Variants in CSMD1 observed in about 807,000 individuals in gnomAD.
CSMD1 encodes the protein CUB and sushi domain-containing protein 1.
Under a neutral mutation model 417.5 loss-of-function variants are expected in CSMD1, and 213 were observed. That is an observed-to-expected ratio of 0.51 (90% CI 0.46 to 0.57). The LOEUF is 0.57. Among genes scored for constraint, CSMD1 ranks in the 20% least tolerant of loss-of-function variants. The pLI, the probability that CSMD1 is intolerant of heterozygous loss-of-function variation, is 0.00. For synonymous variants in CSMD1, 2,862 were observed against 1,736.8 expected (o/e 1.65, Z -16.11); for missense variants, 6,923 against 4,529.7 (o/e 1.53, Z -15.17).
intron 20 of CSMD1, among the ~76,000 whole-genome samples, chr8:3,363,691 T>G (rs916146407): frequency 9.9e-5 from 15 of 152,120 alleles, no homozygotes; most frequent in African/African-American, 3.6e-4. Flanking sequence ...CCAAGGCTTT[T>G]GAATGAAGAG....
intron 17 of CSMD1, among the ~76,000 whole-genome samples, chr8:3,393,965 G>C (rs1313508667): frequency 2.4e-5 from 3 of 123,206 alleles, no homozygotes; most frequent in Non-Finnish European, 4.9e-5. Flanking sequence ...TTGTGCACAT[G>C]TACCCTAGAA....
chr8:3,328,518 A>G (rs1412405183), intron 23 of CSMD1, among the ~76,000 whole-genome samples: 1 of 152,216 alleles, frequency 6.6e-6, no homozygotes, highest in Non-Finnish European at 1.5e-5. Flanking sequence ...AGACTGTCAT[A>G]TGATCTTCGG....
intron 3 of CSMD1, among the ~76,000 whole-genome samples, chr8:4,127,347 C>CT (rs764341152): frequency 7.3e-5 from 11 of 151,438 alleles, no homozygotes; most frequent in Non-Finnish European, 4.4e-5. Flanking sequence ...AAGCCTCTCC[C>CT]TTCCTTCTTT....
At chr8:4,037,814 T>C (rs937317361) in intron 3 of CSMD1, among the ~76,000 whole-genome samples, 142 of 152,186 alleles carry the variant, frequency 9.3e-4, no homozygotes, top group Admixed American at 7.8e-4. Flanking sequence ...TTGAATCTTT[T>C]TATGTTTGTA....
At chr8:4,084,443 CATG>C (rs1800313006) in intron 3 of CSMD1, among the ~76,000 whole-genome samples, 1 of 152,102 alleles carries the variant, frequency 6.6e-6, no homozygotes, top group Non-Finnish European at 1.5e-5. Flanking sequence ...CCACCCTTTA[CATG>C]ATTTTGTTGT....
At chr8:4,151,577 G>A (rs1796572540) in intron 3 of CSMD1, among the ~76,000 whole-genome samples, 2 of 152,100 alleles carry the variant, frequency 1.3e-5, no homozygotes, top group African/African-American at 2.4e-5. Flanking sequence ...GAATTAAAAT[G>A]TTATCCTTGT....
intron 23 of CSMD1, among the ~76,000 whole-genome samples, chr8:3,313,388 T>C (rs370908932): frequency 1.3e-5 from 2 of 152,116 alleles, no homozygotes; most frequent in African/African-American, 4.8e-5. Context: ...AGGGCTAATA[T>C]GCACAATCTA....
intron 18 of CSMD1, among the ~76,000 whole-genome samples, chr8:3,385,243 A>G (rs970005239): frequency 4.7e-5 from 7 of 148,880 alleles, no homozygotes; most frequent in Non-Finnish European, 7.4e-5. Flanking sequence ...CTATGAATGC[A>G]TATGTATGTA....
At chr8:4,419,284 C>T (rs948631283) in intron 3 of CSMD1, among the ~76,000 whole-genome samples, 1 of 152,094 alleles carries the variant, frequency 6.6e-6, no homozygotes. Flanking sequence ...CAAAAGTAGA[C>T]ACACATCGGC....
At chr8:3,233,627 T>C (rs540685532) in intron 26 of CSMD1, among the ~76,000 whole-genome samples, 1 of 152,334 alleles carries the variant, frequency 6.6e-6, no homozygotes, top group South Asian at 2.1e-4. Context: ...GTTCATATAG[T>C]ATTTGGTTTC....
intron 10 of CSMD1, among the ~76,000 whole-genome samples, chr8:3,520,176 G>A (rs375621979): frequency 6.6e-4 from 100 of 151,996 alleles, no homozygotes; most frequent in African/African-American, 2.4e-3. Context: ...GAGAAGAAGA[G>A]AATTTCACTT....
At chr8:3,921,071 A>C (rs1809219282) in intron 5 of CSMD1, among the ~76,000 whole-genome samples, 1 of 152,150 alleles carries the variant, frequency 6.6e-6, no homozygotes, top group South Asian at 2.1e-4. Flanking sequence ...ATGTTCGATA[A>C]AATTTAGTAG....
chr8:4,443,576 T>C (rs995602768), intron 2 of CSMD1, among the ~76,000 whole-genome samples: 2 of 151,964 alleles, frequency 1.3e-5, no homozygotes, highest in African/African-American at 2.4e-5. Flanking sequence ...GACACATGAA[T>C]AATATGCATT....
intron 5 of CSMD1, among the ~76,000 whole-genome samples, chr8:3,810,123 AAG>A (rs1167173343): frequency 6.6e-6 from 1 of 152,130 alleles, no homozygotes; most frequent in Non-Finnish European, 1.5e-5. Flanking sequence ...TTGGTTTGCC[AAG>A]AGTGCTCCCA....
At chr8:4,726,590 G>T (rs1279106052) in intron 1 of CSMD1, among the ~76,000 whole-genome samples, 1 of 152,066 alleles carries the variant, frequency 6.6e-6, no homozygotes, top group Non-Finnish European at 1.5e-5. Flanking sequence ...GACGTCTAGG[G>T]CCTCCCATCA....
At chr8:3,101,702 G>T (rs1164114410) in intron 46 of CSMD1, among the ~76,000 whole-genome samples, 1 of 151,930 alleles carries the variant, frequency 6.6e-6, no homozygotes, top group Non-Finnish European at 1.5e-5. Flanking sequence ...TAGGATTATA[G>T]GCATGAGCCA....
chr8:4,616,562 T>C lies in CSMD1; in HGVS notation c.302+20780A>G, dbSNP rs1871125. Among the ~76,000 whole-genome samples the C allele has an allele frequency of 6.9e-3, 1,054 of 152,330 alleles. 95 individuals are homozygous for C. The East Asian group carries it at 0.18, about 26-fold the overall frequency. On this transcript the variant is annotated intron_variant, in intron 2 of 69. Transcript: ENST00000635120. ...CATGCCAGCAATACATCAGTTATAA[T>C]ACTCAGTAAACTTTGGTTAAATACA...
At chr8:3,182,615 TG>T (rs1821418895) in intron 36 of CSMD1, among the ~76,000 whole-genome samples, 6 of 65,440 alleles carry the variant, frequency 9.2e-5, no homozygotes, top group Non-Finnish European at 1.4e-4. Context: ...TGTGTGTGTG[TG>T]TGTGTGTGTG....
At chr8:3,073,125 G>A (rs4389962) in intron 49 of CSMD1, among the ~76,000 whole-genome samples, 56,254 of 151,918 alleles carry the variant, frequency 0.37, 10,817 homozygotes, top group African/African-American at 0.47. Context: ...AAGTCCTATT[G>A]TCTCTGATGA....
Sources: gnomAD v4.1 joint callset for allele counts (sites outside exome capture counted in the v4.1 genomes callset) on GRCh38, gnomAD v4.1.1 for gene constraint, MANE v1.5 for transcripts, NCBI Gene and HGNC (gene_info 2026-07-23, HGNC 2026-07-21) for gene names.